Variants in NBPF8 observed in about 807,000 individuals in gnomAD.
NBPF8 encodes the protein NBPF member 8.
chr1:120,468,530 T>C (rs1174026786), downstream of NBPF8, among the ~76,000 whole-genome samples: 3 of 150,200 alleles, frequency 2.0e-5, no homozygotes, highest in African/African-American at 7.4e-5. Context: ...ATGTTCTCAT[T>C]GTGGGATTCG....
At chr1:120,416,190 A>G (rs1334121608), upstream of NBPF8, among the ~76,000 whole-genome samples, 4 of 149,776 alleles carry the variant, frequency 2.7e-5, no homozygotes, top group Non-Finnish European at 5.9e-5. Flanking sequence ...GTAAAATTTC[A>G]CCAGTGAACC....
intron 16 of NBPF8, among the ~76,000 whole-genome samples, chr1:120,457,793 G>GAA (rs1162583698): frequency 0.014 from 491 of 35,560 alleles, no homozygotes; most frequent in Non-Finnish European, 0.02. Context: ...TATACATATG[G>GAA]AAAAAAAAAA....
chr1:120,454,590 C>T (rs1553249468), intron 15 of NBPF8, among the ~76,000 whole-genome samples: 16 of 151,606 alleles, frequency 1.1e-4, no homozygotes, highest in Admixed American at 3.3e-4. Flanking sequence ...GAAATCAGTA[C>T]GGAAACTTTT....
At chr1:120,432,374 CT>C (rs1220115313), upstream of NBPF8, 25 of 56,698 alleles carry the variant, frequency 4.4e-4, no homozygotes, top group African/African-American at 7.9e-4. Flanking sequence ...GCACTGGCTT[CT>C]TTTTTTTTTT....
In NBPF8 at chr1:120,422,887, A is replaced by G. The variant is rs1272656423; in HGVS notation, n.269+2769A>G. 2.0e-3 allele frequency among the ~76,000 whole-genome samples: 211 copies of G among 106,816 alleles called. 25 individuals are homozygous for G. The Middle Eastern group carries it at 0.033, about 17-fold the overall frequency. 70.1% of individuals were successfully genotyped at this position (106,816 alleles called of 152,430 possible). A position where few individuals can be genotyped will look rare whatever the true frequency, so the allele number is the denominator to read the frequency against. ...ATGTGCAATTCCCTCACAACAAATGATTTTGAGCATCTTTCTCATATGCTT... is the reference window on the plus strand; with the variant it reads ...ATGTGCAATTCCCTCACAACAAATGGTTTTGAGCATCTTTCTCATATGCTT... On this transcript the variant is annotated intron_variant and non_coding_transcript_variant, in intron 1 of 28. Coordinates refer to the NBPF8 transcript ENST00000652355.
chr1:120,462,941 C>A, exon 21 of NBPF8: 1 of 489,598 alleles, frequency 2.0e-6, no homozygotes, highest in South Asian at 2.1e-5. Flanking sequence ...AGGAACAGTA[C>A]CTTGGCTTGG....
upstream of NBPF8, among the ~76,000 whole-genome samples, chr1:120,415,396 G>C (rs1358321198): frequency 1.9e-4 from 28 of 150,416 alleles, no homozygotes; most frequent in East Asian, 4.3e-3. Context: ...GGGGTGGGGG[G>C]TTGGGAGGGC....
intron 13 of NBPF8, among the ~76,000 whole-genome samples, chr1:120,452,772 A>T (rs1661320095): frequency 6.6e-6 from 1 of 152,180 alleles, no homozygotes; most frequent in African/African-American, 2.4e-5. Context: ...CAAGGGTCGA[A>T]GCATTCAAAT....
chr1:120,434,475 T>G (rs1553247512), upstream of NBPF8, among the ~76,000 whole-genome samples: 4,379 of 146,534 alleles, frequency 0.03, 160 homozygotes, highest in East Asian at 0.13. Context: ...GTCATTTACA[T>G]TAGGTATTTC....
At chr1:120,432,795 T>G (rs1660918816), upstream of NBPF8, 1 of 149,942 alleles carries the variant, frequency 6.7e-6, no homozygotes. Context: ...ATAGGGAATT[T>G]CCTCTATCTT....
chr1:120,451,682 A>G (rs1288008045), intron 12 of NBPF8, among the ~76,000 whole-genome samples: 1 of 145,786 alleles, frequency 6.9e-6, no homozygotes, highest in African/African-American at 2.6e-5. Flanking sequence ...TGCCTTCTCG[A>G]CCCTGTCATT....
At chr1:120,435,540 C>A (rs2101607919), upstream of NBPF8, among the ~76,000 whole-genome samples, 1 of 127,878 alleles carries the variant, frequency 7.8e-6, no homozygotes, top group South Asian at 2.4e-4. Context: ...GGCATATATA[C>A]ACACTTGAGT....
intron 11 of NBPF8, among the ~76,000 whole-genome samples, chr1:120,450,610 T>C (rs1419742976): frequency 1.3e-5 from 2 of 152,066 alleles, no homozygotes; most frequent in African/African-American, 4.8e-5. Flanking sequence ...ACACAAACTT[T>C]ATTAGCATTT....
At chr1:120,436,236 T>A (rs1661070851), upstream of NBPF8, 1 of 612,616 alleles carries the variant, frequency 1.6e-6, no homozygotes, top group Non-Finnish European at 2.9e-6. Flanking sequence ...CTGCAGACGG[T>A]TACCTGGCAC....
chr1:120,466,007 A>T, exon 25 of NBPF8: 2 of 1,611,876 alleles, frequency 1.2e-6, no homozygotes, highest in South Asian at 2.2e-5. Context: ...GAAGTGGAAG[A>T]GCCTGAAGTC....
intron 13 of NBPF8, among the ~76,000 whole-genome samples, chr1:120,452,607 C>A (rs1347468178): frequency 1.4e-5 from 2 of 147,018 alleles, no homozygotes; most frequent in Non-Finnish European, 3.1e-5. Flanking sequence ...AAGGAGGCTG[C>A]GATGGGAGCA....
At chr1:120,456,423 ACTTGCTTTATAAATCTGGGTGCT>A (rs1235846823) in intron 16 of NBPF8, among the ~76,000 whole-genome samples, 1 of 141,476 alleles carries the variant, frequency 7.1e-6, no homozygotes, top group East Asian at 2.0e-4. Flanking sequence ...GTCTCTCAGG[ACTTGCTTTATAAATCTGGGTGCT>A]CCTGTATAGG....
At chr1:120,432,435 G>A (rs1553247179), upstream of NBPF8, 1 of 131,476 alleles carries the variant, frequency 7.6e-6, no homozygotes, top group Non-Finnish European at 1.6e-5. Context: ...TGAAACAGTT[G>A]TTAGGGAGGC....
At chr1:120,428,841 C>T (rs1317910353) in intron 3 of NBPF8, among the ~76,000 whole-genome samples, 1 of 151,574 alleles carries the variant, frequency 6.6e-6, no homozygotes, top group Non-Finnish European at 1.5e-5. Context: ...ATAAACTAAC[C>T]CTTTATAATA....
Sources: allele counts gnomAD v4.1 joint callset (sites outside exome capture counted in the v4.1 genomes callset), GRCh38; gene constraint gnomAD v4.1.1; transcripts MANE v1.5; gene names NCBI Gene and HGNC (gene_info 2026-07-23, HGNC 2026-07-21).